The following MAGI1 variants were observed in gnomAD, a reference collection of about 807,000 sequenced individuals.
MAGI1 encodes the protein membrane associated guanylate kinase, WW and PDZ domain containing 1.
MAGI1 carries 58 observed loss-of-function variants against 139.9 expected under a neutral mutation model. That is an observed-to-expected ratio of 0.41 (90% confidence interval 0.34 to 0.52). The LOEUF is 0.52. MAGI1 is among the 20% of genes least tolerant of loss of function. The pLI, the probability that MAGI1 is intolerant of heterozygous loss-of-function variation, is 0.12. For synonymous variants in MAGI1, 812 were observed against 737.9 expected (o/e 1.10, Z -1.63); for missense variants, 1,874 against 1,901.6 (o/e 0.99, Z 0.27).
intron 12 of MAGI1, among the ~76,000 whole-genome samples, chr3:65,410,330 C>T (rs1945693549): frequency 1.3e-5 from 2 of 152,186 alleles, no homozygotes; most frequent in Non-Finnish European, 2.9e-5. Flanking sequence ...ACTCTAAGTA[C>T]TAATATCTTC....
chr3:65,753,103 G>C (rs2036282229), intron 1 of MAGI1, among the ~76,000 whole-genome samples: 1 of 152,094 alleles, frequency 6.6e-6, no homozygotes, highest in Admixed American at 6.5e-5. Context: ...GAAAGAAGGA[G>C]GAACTTACGT....
intron 12 of MAGI1, among the ~76,000 whole-genome samples, chr3:65,403,928 C>G (rs951774791): frequency 6.6e-6 from 1 of 152,200 alleles, no homozygotes; most frequent in Non-Finnish European, 1.5e-5. Flanking sequence ...ACCTACAAAG[C>G]TAGGTTAAAA....
At chr3:65,367,181 C>T (rs1025295558) in intron 18 of MAGI1, among the ~76,000 whole-genome samples, 1 of 152,172 alleles carries the variant, frequency 6.6e-6, no homozygotes, top group African/African-American at 2.4e-5. Flanking sequence ...AAGAATGTCT[C>T]CTTGTAATCA....
At chr3:65,492,196 T>C (rs1001146510) in intron 3 of MAGI1, among the ~76,000 whole-genome samples, 5 of 152,254 alleles carry the variant, frequency 3.3e-5, no homozygotes, top group East Asian at 3.8e-4. Context: ...TAATAATCTG[T>C]CCTAGTTAAT....
intron 1 of MAGI1, among the ~76,000 whole-genome samples, chr3:65,957,350 CA>C (rs1174740233): frequency 0.09 from 8,196 of 91,444 alleles, 253 homozygotes; most frequent in Non-Finnish European, 0.11. Context: ...CCTGTCTCTA[CA>C]AAAAAAAAAA....
chr3:65,903,956 C>T (rs530374185), intron 1 of MAGI1, among the ~76,000 whole-genome samples: 3 of 151,446 alleles, frequency 2.0e-5, no homozygotes, highest in African/African-American at 4.9e-5. Context: ...TGCAGTGAGC[C>T]GAGATCGTGC....
At chr3:65,874,215 G>A (rs1178798554) in intron 1 of MAGI1, 1 of 152,174 alleles carries the variant, frequency 6.6e-6, no homozygotes, top group Non-Finnish European at 1.5e-5. Flanking sequence ...GGACCCAGGA[G>A]GTGGTGGTTG....
At chr3:65,558,484 T>C (rs1380070256) in intron 2 of MAGI1, among the ~76,000 whole-genome samples, 1 of 152,184 alleles carries the variant, frequency 6.6e-6, no homozygotes, top group East Asian at 1.9e-4. Context: ...ACCCTGTCTC[T>C]TTATTAGAAA....
intron 12 of MAGI1, among the ~76,000 whole-genome samples, chr3:65,415,012 A>C (rs1946090480): frequency 2.4e-5 from 3 of 127,166 alleles, no homozygotes; most frequent in Admixed American, 1.6e-4. Context: ...CTGGGAAAAA[A>C]AAAAAAACAA....
chr3:65,865,234 CAAAT>C (rs1298588173), intron 1 of MAGI1, among the ~76,000 whole-genome samples: 3 of 151,686 alleles, frequency 2.0e-5, no homozygotes, highest in African/African-American at 7.3e-5. Flanking sequence ...AGATTTTTAC[CAAAT>C]AAATAGTCTA....
chr3:65,378,162 C>T (rs192456216), intron 17 of MAGI1, among the ~76,000 whole-genome samples: 11 of 152,274 alleles, frequency 7.2e-5, no homozygotes, highest in Non-Finnish European at 1.5e-4. Context: ...TATAATCAAT[C>T]CATTGCAATG....
intron 6 of MAGI1, among the ~76,000 whole-genome samples, chr3:65,451,013 T>G (rs1949002435): frequency 6.6e-6 from 1 of 152,198 alleles, no homozygotes; most frequent in Non-Finnish European, 1.5e-5. Context: ...TACATAGAAT[T>G]TCTACTAGAA....
At chr3:65,488,274 G>T (rs921283601) in intron 3 of MAGI1, among the ~76,000 whole-genome samples, 7 of 152,082 alleles carry the variant, frequency 4.6e-5, no homozygotes, top group Non-Finnish European at 8.8e-5. Context: ...AAAACTAGAT[G>T]AAGCTTTCTA....
intron 1 of MAGI1, among the ~76,000 whole-genome samples, chr3:65,819,083 G>A (rs1265358487): frequency 6.6e-6 from 1 of 152,050 alleles, no homozygotes; most frequent in Non-Finnish European, 1.5e-5. Flanking sequence ...TCAGGAGTTC[G>A]AGACCAGCTT....
chr3:65,897,117 T>C lies in MAGI1; in HGVS notation c.313+140879A>G, dbSNP rs145943649. Among the ~76,000 whole-genome samples the C allele has an allele frequency of 5.4e-3, 822 of 152,346 alleles. 8 individuals carry two copies. Among genetic ancestry groups the C allele is most frequent in the African/African-American group, 0.014 (574 of 41,574 alleles). On this transcript the variant is annotated intron_variant, in intron 1 of 22. Transcript: ENST00000402939. Reference sequence around the variant, plus strand: ...ACAAATGTTATGTAAATAGTTGTTATACTGTTTTTTTATTTGTACTATATT... The same window carrying C: ...ACAAATGTTATGTAAATAGTTGTTACACTGTTTTTTTATTTGTACTATATT...
At chr3:65,858,359 C>A (rs1268708841) in intron 1 of MAGI1, among the ~76,000 whole-genome samples, 3 of 152,170 alleles carry the variant, frequency 2.0e-5, no homozygotes, top group Admixed American at 2.0e-4. Context: ...AAAAGGAGCT[C>A]AGCCTACCAT....
intron 1 of MAGI1, among the ~76,000 whole-genome samples, chr3:65,905,096 C>T (rs575659768): frequency 2.6e-5 from 4 of 152,196 alleles, no homozygotes; most frequent in South Asian, 4.2e-4. Flanking sequence ...AATACTGATG[C>T]CTATGCTATA....
intron 1 of MAGI1, among the ~76,000 whole-genome samples, chr3:65,700,006 G>A (rs2107606266): frequency 6.6e-6 from 1 of 151,700 alleles, no homozygotes; most frequent in Non-Finnish European, 1.5e-5. Context: ...ACCCTCCAAA[G>A]CACACTCAAG....
chr3:66,006,725 A>C (rs1254725019), intron 1 of MAGI1, among the ~76,000 whole-genome samples: 2 of 152,192 alleles, frequency 1.3e-5, no homozygotes, highest in East Asian at 3.8e-4. Context: ...CACATAAATA[A>C]AACAGGGGAA....
Sources: gnomAD v4.1 joint callset for allele counts (sites outside exome capture counted in the v4.1 genomes callset) on GRCh38, gnomAD v4.1.1 for gene constraint, MANE v1.5 for transcripts, NCBI Gene and HGNC (gene_info 2026-07-23, HGNC 2026-07-21) for gene names.